GRM8: variants seen among roughly 807,000 people sequenced by gnomAD.
GRM8 encodes metabotropic glutamate receptor 8.
Under a neutral mutation model 87.2 loss-of-function variants are expected in GRM8, and 47 were observed. The observed-to-expected ratio is 0.54, with a 90% CI of 0.43 to 0.69. The LOEUF is 0.69. GRM8 is among the 30% of genes least tolerant of loss of function. The pLI is 0.00. For synonymous variants in GRM8, 396 were observed against 404.5 expected, an observed-to-expected ratio of 0.98 and a Z score of 0.25; for missense variants, 1,019 against 1,139.2, an observed-to-expected ratio of 0.89 and a Z score of 1.52.
At chr7:127,044,058 G>T (rs898152676) in intron 3 of GRM8, among the ~76,000 whole-genome samples, 3 of 152,200 alleles carry the variant, frequency 2.0e-5, no homozygotes, top group African/African-American at 7.2e-5. Context: ...AGGGAGAGGT[G>T]AACAGAGGAA....
chr7:126,852,620 T>A (rs1301915965), intron 6 of GRM8, among the ~76,000 whole-genome samples: 1 of 152,206 alleles, frequency 6.6e-6, no homozygotes, highest in Non-Finnish European at 1.5e-5. Context: ...GAACATTTAA[T>A]AAACCTTCTT....
At chr7:127,181,230 C>T (rs1423264093) in intron 2 of GRM8, among the ~76,000 whole-genome samples, 2 of 151,904 alleles carry the variant, frequency 1.3e-5, no homozygotes, top group Admixed American at 6.6e-5. Context: ...ATCAAGAACC[C>T]AACCCCTTTT....
intron 6 of GRM8, among the ~76,000 whole-genome samples, chr7:126,854,149 C>A (rs530469280): frequency 6.6e-6 from 1 of 152,268 alleles, no homozygotes; most frequent in African/African-American, 2.4e-5. Context: ...GAGTTGCTCC[C>A]AAGTTTTAAA....
At chr7:127,008,911 A>G (rs1222178256) in intron 3 of GRM8, among the ~76,000 whole-genome samples, 3 of 152,146 alleles carry the variant, frequency 2.0e-5, no homozygotes, top group African/African-American at 7.2e-5. Flanking sequence ...GTAATAAATC[A>G]TTTATAAAAT....
At chr7:126,614,793 A>G (rs925701890) in intron 7 of GRM8, among the ~76,000 whole-genome samples, 1 of 152,234 alleles carries the variant, frequency 6.6e-6, no homozygotes, top group Non-Finnish European at 1.5e-5. Flanking sequence ...GATCAAATGA[A>G]TGCAATGAAG....
At chr7:126,753,698 T>C (rs57693973) in intron 7 of GRM8, among the ~76,000 whole-genome samples, 4,511 of 151,972 alleles carry the variant, frequency 0.03, 255 homozygotes, top group African/African-American at 0.1. Flanking sequence ...AGTTTGAATA[T>C]AAATCCCAAA....
intron 9 of GRM8, among the ~76,000 whole-genome samples, chr7:126,514,460 G>GA (rs1017072331): frequency 5.3e-5 from 8 of 152,156 alleles, no homozygotes; most frequent in African/African-American, 1.9e-4. Flanking sequence ...TTTACTATCA[G>GA]AAAAATGGGT....
At chr7:126,631,928 C>T (rs1215083182) in intron 7 of GRM8, among the ~76,000 whole-genome samples, 1 of 152,096 alleles carries the variant, frequency 6.6e-6, no homozygotes, top group African/African-American at 2.4e-5. Flanking sequence ...CTATAAATCC[C>T]TAGAAGAAAA....
At chr7:126,892,598 C>T (rs543829904) in intron 6 of GRM8, among the ~76,000 whole-genome samples, 138 of 152,244 alleles carry the variant, frequency 9.1e-4, no homozygotes, top group African/African-American at 3.2e-3. Context: ...AATAAACATA[C>T]ATGTGCGTGT....
At chr7:126,972,673 C>A (rs1324856640) in intron 3 of GRM8, among the ~76,000 whole-genome samples, 2 of 152,088 alleles carry the variant, frequency 1.3e-5, no homozygotes, top group Non-Finnish European at 1.5e-5. Flanking sequence ...CTCTTAGGAA[C>A]AAAGATGCCG....
chr7:126,483,224 T>G (rs1432815282), intron 9 of GRM8, among the ~76,000 whole-genome samples: 1 of 150,812 alleles, frequency 6.6e-6, no homozygotes, highest in East Asian at 1.9e-4. Flanking sequence ...TTATGGTCTA[T>G]TGAAGGGCTG....
chr7:126,604,497 A>C (rs1489822923), intron 8 of GRM8, among the ~76,000 whole-genome samples: 5 of 152,130 alleles, frequency 3.3e-5, no homozygotes, highest in African/African-American at 1.2e-4. Flanking sequence ...CAAAACAAAA[A>C]TTATTATTAT....
chr7:127,241,678 G>T (rs1338496740), intron 2 of GRM8, among the ~76,000 whole-genome samples: 1 of 151,932 alleles, frequency 6.6e-6, no homozygotes, highest in South Asian at 2.1e-4. Flanking sequence ...CTCATGATCC[G>T]CCCGCCTTGG....
intron 3 of GRM8, among the ~76,000 whole-genome samples, chr7:126,987,343 C>T (rs772313920): frequency 2.6e-5 from 4 of 152,156 alleles, no homozygotes; most frequent in Admixed American, 6.5e-5. Context: ...ACCTCCTGCT[C>T]GGCATCCACC....
chr7:126,660,600 T>C (rs1805056547), intron 7 of GRM8, among the ~76,000 whole-genome samples: 1 of 152,256 alleles, frequency 6.6e-6, no homozygotes, highest in African/African-American at 2.4e-5. Flanking sequence ...TATTGAAGTC[T>C]ACTGATTTCC....
intron 7 of GRM8, among the ~76,000 whole-genome samples, chr7:126,723,693 T>C (rs1450276946): frequency 6.6e-6 from 1 of 152,168 alleles, no homozygotes; most frequent in East Asian, 1.9e-4. Flanking sequence ...GTAGTTATAC[T>C]GAAAACAATG....
chr7:126,624,444 A>G (rs1800471362), intron 7 of GRM8, among the ~76,000 whole-genome samples: 1 of 152,156 alleles, frequency 6.6e-6, no homozygotes, highest in African/African-American at 2.4e-5. Context: ...TCGGATCACC[A>G]TATCTAATTT....
chr7:126,595,400 TTTATTTTATTTTATTTTATTTTATTTTA>T (rs1306115469), intron 8 of GRM8, among the ~76,000 whole-genome samples: 8 of 117,714 alleles, frequency 6.8e-5, no homozygotes, highest in Non-Finnish European at 1.4e-4. Flanking sequence ...TTTATTTTAT[TTTATTTTATTTTATTTTATTTTATTTTA>T]TTATTTTATT....
chr7:127,158,770 GA>G, intron 2 of GRM8, among the ~76,000 whole-genome samples: 1 of 151,572 alleles, frequency 6.6e-6, no homozygotes. Context: ...TTCGTAGGGG[GA>G]CACAAACATT....
Sources: gnomAD v4.1 joint callset for allele counts (sites outside exome capture counted in the v4.1 genomes callset) on GRCh38, gnomAD v4.1.1 for gene constraint, MANE v1.5 for transcripts, NCBI Gene and HGNC (gene_info 2026-07-23, HGNC 2026-07-21) for gene names.